Variants in ROS1 observed in about 807,000 individuals in gnomAD.
The protein encoded by ROS1 is ROS proto-oncogene 1, receptor tyrosine kinase.
Under a neutral mutation model 273.5 loss-of-function variants are expected in ROS1, and 263 were observed. The ratio of observed to expected loss-of-function variants is 0.96; its 90% CI spans 0.87 to 1.06. The LOEUF (loss-of-function observed/expected upper bound fraction) is 1.06. Among genes scored for constraint, ROS1 ranks in the 50% least tolerant of loss-of-function variants. The pLI is 0.00. For synonymous variants in ROS1, 1,008 were observed against 954.1 expected, an observed-to-expected ratio of 1.06 and a Z score of -1.04; for missense variants, 2,833 against 2,751.1, an observed-to-expected ratio of 1.03 and a Z score of -0.67.
At chr6:117,356,309 A>G (rs1470925582) in intron 26 of ROS1, among the ~76,000 whole-genome samples, 1 of 152,176 alleles carries the variant, frequency 6.6e-6, no homozygotes. Flanking sequence ...GGATATTAGT[A>G]CCTACTGCAC....
chr6:117,305,968 G>A (rs587575), intron 42 of ROS1, among the ~76,000 whole-genome samples: 1 of 150,698 alleles, frequency 6.6e-6, no homozygotes, highest in Non-Finnish European at 1.5e-5. Context: ...ATCTCATTTG[G>A]CTAAGTAGAG....
intron 39 of ROS1, among the ~76,000 whole-genome samples, chr6:117,312,173 T>C (rs893756311): frequency 1.3e-5 from 2 of 152,114 alleles, no homozygotes; most frequent in African/African-American, 4.8e-5. Context: ...TCTCAGCCTC[T>C]CTTCTTTATT....
intron 2 of ROS1, among the ~76,000 whole-genome samples, chr6:117,416,731 T>C (rs995121155): frequency 7.9e-5 from 12 of 152,268 alleles, no homozygotes; most frequent in African/African-American, 2.2e-4. Flanking sequence ...TTCAACTAGA[T>C]GGTAGCATGT....
intron 17 of ROS1, among the ~76,000 whole-genome samples, chr6:117,379,372 A>G (rs1476692697): frequency 2.0e-5 from 3 of 152,154 alleles, no homozygotes; most frequent in African/African-American, 7.2e-5. Flanking sequence ...ATTTTACAAA[A>G]AGGCAAGGAG....
chr6:117,331,293 A>G (rs1047163580), intron 32 of ROS1, among the ~76,000 whole-genome samples: 24 of 152,230 alleles, frequency 1.6e-4, no homozygotes, highest in Non-Finnish European at 2.9e-4. Flanking sequence ...GAAGAGAGAA[A>G]AAAGAATGAA....
chr6:117,357,048 G>A (rs1779381173), intron 25 of ROS1, 133 bp from the exon 26 acceptor site: 1 of 714,794 alleles, frequency 1.4e-6, no homozygotes, highest in East Asian at 2.7e-5. Context: ...ACATGGTCAA[G>A]TTTTCAATAA....
chr6:117,288,764 T>G lies in ROS1; in HGVS notation c.6754A>C (p.Ile2252Leu), dbSNP rs954647191. Residue 2252 changes from isoleucine to leucine, a missense_variant, in exon 44 of 44, where the codon ATT (isoleucine) becomes CTT (leucine). Physicochemically the swap from Ile to Leu is conservative, Grantham distance 5 (BLOSUM62 2). Coordinates refer to ENST00000368507, the MANE Select transcript of ROS1 (RefSeq NM_001378902.1). ...GDVICLNSDD[I>L]MPVALMETKN... ...GTTTCCATTAAAGCAACTGGCATAATGTCATCTGAATTCAAACAAATCACA... is the reference window on the plus strand; with the variant it reads ...GTTTCCATTAAAGCAACTGGCATAAGGTCATCTGAATTCAAACAAATCACA... The G allele has an allele frequency of 6.2e-7, 1 of 1,611,044 alleles. No homozygotes were observed. The highest frequency in any genetic ancestry group is 1.7e-5 in the Admixed American group (1 of 59,550).
At chr6:117,304,623 C>T (rs1325926037) in intron 42 of ROS1, among the ~76,000 whole-genome samples, 2 of 152,166 alleles carry the variant, frequency 1.3e-5, no homozygotes, top group African/African-American at 2.4e-5. Context: ...GAAACTGAGA[C>T]ATGAAACTAT....
At chr6:117,371,746 T>C (rs1005920494) in intron 18 of ROS1, among the ~76,000 whole-genome samples, 2 of 152,200 alleles carry the variant, frequency 1.3e-5, no homozygotes, top group Admixed American at 1.3e-4. Flanking sequence ...GGAGTGAGAC[T>C]GGCCTTTCAG....
intron 39 of ROS1, among the ~76,000 whole-genome samples, chr6:117,316,135 T>C (rs1324491299): frequency 1.3e-5 from 2 of 152,094 alleles, no homozygotes; most frequent in African/African-American, 4.8e-5. Flanking sequence ...TTTTCCTGTG[T>C]GTAGCGTGGT....
chr6:117,312,496 C>T (rs560639329), intron 39 of ROS1, among the ~76,000 whole-genome samples: 17 of 152,082 alleles, frequency 1.1e-4, no homozygotes, highest in Non-Finnish European at 1.5e-4. Flanking sequence ...ATCTGAGTCC[C>T]TGCTGGATGT....
chr6:117,345,940 C>G (rs545513257), intron 27 of ROS1, among the ~76,000 whole-genome samples: 22 of 152,242 alleles, frequency 1.4e-4, no homozygotes, highest in African/African-American at 5.3e-4. Flanking sequence ...TCGAAAATCT[C>G]CAACAACAGT....
intron 43 of ROS1, among the ~76,000 whole-genome samples, chr6:117,300,759 C>T (rs1041176555): frequency 6.6e-6 from 1 of 152,082 alleles, no homozygotes; most frequent in African/African-American, 2.4e-5. Context: ...ATTATAAATC[C>T]AGGGGCCATA....
At chr6:117,312,961 T>C (rs1308295136) in intron 39 of ROS1, among the ~76,000 whole-genome samples, 2 of 152,090 alleles carry the variant, frequency 1.3e-5, no homozygotes, top group South Asian at 2.1e-4. Flanking sequence ...GTTTCCTCAG[T>C]TGGAAATCAC....
chr6:117,387,757 C>T (rs1293275913), intron 14 of ROS1, 23 bp downstream of exon 14: 10 of 1,603,590 alleles, frequency 6.2e-6, no homozygotes, highest in Admixed American at 1.7e-5. Context: ...GAGTCACTCC[C>T]TAAATCCAGA....
chr6:117,311,259 A>G (rs1562259943), intron 39 of ROS1, 142 bp from the exon 40 acceptor site: 1 of 474,042 alleles, frequency 2.1e-6, no homozygotes, highest in Non-Finnish European at 3.7e-6. Context: ...AGTTATGATT[A>G]TAAGAATTCA....
At position 117,392,902 on chromosome 6, in the gene ROS1, C is replaced by A. The variant is rs144094641; in HGVS notation, c.1289+322G>T. Among the ~76,000 whole-genome samples the A allele has an allele frequency of 7.6e-4, 116 of 152,282 alleles. 2 individuals are homozygous for A. The East Asian group carries it at 0.016, about 20-fold the overall frequency. Reference sequence around the variant, plus strand: ...GGTAGTGTTGAGGCGGAAAGTGAGACTCAATCCCATGATAAAGAAGTGGCA... The same window carrying A: ...GGTAGTGTTGAGGCGGAAAGTGAGAATCAATCCCATGATAAAGAAGTGGCA... On this transcript the variant is annotated intron_variant, in intron 12 of 43. Transcript: ENST00000368507.
At chr6:117,308,730 G>T (rs2128545656) in intron 42 of ROS1, 64 bp downstream of exon 42, 1 of 1,513,854 alleles carries the variant, frequency 6.6e-7, no homozygotes, top group Non-Finnish European at 9.0e-7. Flanking sequence ...ATATCAAGAG[G>T]CCTAAGATTG....
At position 117,300,086 on chromosome 6, in the gene ROS1, C is replaced by CTTTTTTTTT. The variant is rs10700318; in HGVS notation, c.6715+879_6715+887dup. ...TACAGGCGCCCGCCACCAGGACAGGCTTTTTTTTTTTTTTTTTTTTTTTTT... is the reference window on the plus strand; with the variant it reads ...TACAGGCGCCCGCCACCAGGACAGGCTTTTTTTTTTTTTTTTTTTTTTTTTTTTTTTTTT... On this transcript the variant is annotated intron_variant, in intron 43 of 43. Coordinates refer to ENST00000368507, the MANE Select transcript of ROS1 (RefSeq NM_001378902.1). Among the ~76,000 whole-genome samples the CTTTTTTTTT allele has an allele frequency of 1.5e-3, 47 of 31,836 alleles. 1 individual carries two copies. The highest frequency in any genetic ancestry group is 2.4e-3 in the South Asian group (1 of 424). 20.9% of individuals were successfully genotyped at this position (31,836 alleles called of 152,430 possible).
Sources: allele counts gnomAD v4.1 joint callset (sites outside exome capture counted in the v4.1 genomes callset), GRCh38; gene constraint gnomAD v4.1.1; transcripts MANE v1.5; gene names NCBI Gene and HGNC (gene_info 2026-07-23, HGNC 2026-07-21).